The following TNN variants were observed in gnomAD, a reference collection of about 807,000 sequenced individuals.
TNN encodes tenascin N.
TNN carries 122 observed loss-of-function variants against 134.4 expected under a neutral mutation model. That is an observed-to-expected ratio of 0.91 (90% CI 0.78 to 1.06). The LOEUF (loss-of-function observed/expected upper bound fraction) is 1.06. Among genes scored for constraint, TNN ranks in the 50% least tolerant of loss-of-function variants. The probability of loss-of-function intolerance (pLI) is 0.00; values close to 1 mark genes in which losing one functional copy is unlikely to be tolerated. For missense variants in TNN, 1,739 were observed against 1,699.4 expected (o/e 1.02, Z -0.41); for synonymous variants, 710 against 670.3 (o/e 1.06, Z -0.91).
chr1:175,094,663 A>C (rs1018082998), intron 7 of TNN, among the ~76,000 whole-genome samples: 1 of 152,206 alleles, frequency 6.6e-6, no homozygotes, highest in African/African-American at 2.4e-5. Flanking sequence ...AATAGTTTGC[A>C]TCCTAAGTCA....
chr1:175,093,997 C>T lies in TNN; in HGVS notation c.1332C>T (p.Asp444=). ...TCATGTGTTTTTATGAAGAAATTGA[C>T]AGTCCAACCAATGTTGTCACTGATC... ...PILLNGRTEI[D]SPTNVVTDRV... Residue 444 remains aspartate (D), a synonymous_variant, in exon 7 of 19, where the codon GAC becomes GAT. Coordinates refer to ENST00000239462, the MANE Select transcript of TNN (RefSeq NM_022093.2). The T allele has an allele frequency of 6.3e-7, 1 of 1,588,264 alleles. No individual in the cohort carries two copies. Among genetic ancestry groups the T allele is most frequent in the Non-Finnish European group, 8.6e-7 (1 of 1,161,066 alleles).
Position 175,098,338 on chromosome 1 carries a change from A to G in TNN, c.1862A>G (p.Asp621Gly), listed in dbSNP as rs771337724. The G allele has an allele frequency of 1.1e-5, 17 of 1,614,022 alleles. No individual in the cohort carries two copies. Among genetic ancestry groups the G allele is most frequent in the Middle Eastern group, 1.6e-4 (1 of 6,084 alleles). The change falls in exon 9 of 19, where the codon GAC becomes GGC. Residue 621 changes from aspartate to glycine, a missense_variant. By Grantham distance (94) the Asp-to-Gly change is moderately conservative. Transcript: ENST00000239462. ...CCAAACATTTTCCTTCCAGATATTG[A>G]CAGCCCCAAAAACCTGGTGACTGAC... is the stretch of plus-strand genomic sequence containing the variant. Reference protein sequence around the residue: ...KADTNAPTDIDSPKNLVTDRV... With the variant: ...KADTNAPTDIGSPKNLVTDRV...
At chr1:175,135,659 C>T (rs1448083019) in intron 15 of TNN, among the ~76,000 whole-genome samples, 186 bp from the exon 16 acceptor site, 3 of 152,200 alleles carry the variant, frequency 2.0e-5, no homozygotes, top group East Asian at 3.8e-4. Flanking sequence ...TGGCATACTA[C>T]GGTACATATA....
intron 13 of TNN, 64 bp downstream of exon 13, chr1:175,127,149 C>A: frequency 1.9e-6 from 3 of 1,567,500 alleles, no homozygotes; most frequent in Non-Finnish European, 2.6e-6. Flanking sequence ...CTAACTTGGG[C>A]CAATCAGCTC....
At chr1:175,073,878 C>T (rs1410517786) in intron 1 of TNN, among the ~76,000 whole-genome samples, 1 of 152,162 alleles carries the variant, frequency 6.6e-6, no homozygotes, top group Non-Finnish European at 1.5e-5. Flanking sequence ...GCTGCAGTCG[C>T]CCCCTTGGGG....
intron 9 of TNN, among the ~76,000 whole-genome samples, chr1:175,106,545 G>T (rs1395758207): frequency 6.8e-6 from 1 of 146,122 alleles, no homozygotes; most frequent in Non-Finnish European, 1.5e-5. Context: ...GGAGAAACTA[G>T]AAAAGCACCA....
intron 12 of TNN, among the ~76,000 whole-genome samples, chr1:175,125,730 TTTCTTTCTTTC>T: frequency 7.6e-6 from 1 of 131,900 alleles, no homozygotes; most frequent in Admixed American, 7.5e-5. Context: ...TCTTTCTTTC[TTTCTTTCTTTC>T]TTTCTTTCTT....
rs550010752 is a variant in TNN at position 175,108,750 on chromosome 1, G to C, written c.2120-8189G>C. 8.6e-4 allele frequency among the ~76,000 whole-genome samples: 130 copies of C among 151,822 alleles called. 1 individual carries two copies. The highest frequency in any genetic ancestry group is 3.1e-3 in the African/African-American group (126 of 41,268). On this transcript the variant is annotated intron_variant, in intron 9 of 18. Coordinates refer to ENST00000239462, the MANE Select transcript of TNN (RefSeq NM_022093.2). ...GCCAGCAGGGCTGGCCGGCTGCTCT[G>C]AGTGCGGGGCCCTCCAAGCCCATGC...
intron 15 of TNN, among the ~76,000 whole-genome samples, chr1:175,131,182 G>A (rs867981454): frequency 3.3e-5 from 5 of 152,204 alleles, no homozygotes; most frequent in African/African-American, 9.6e-5. Context: ...TAGGCCAGAA[G>A]AACTGTGCCC....
At chr1:175,091,229 C>T (rs1199686111) in intron 6 of TNN, among the ~76,000 whole-genome samples, 4 of 152,214 alleles carry the variant, frequency 2.6e-5, no homozygotes, top group Non-Finnish European at 4.4e-5. Context: ...AGAGCCCCTT[C>T]TGAGTTGAGT....
chr1:175,111,850 G>A lies in TNN; in HGVS notation c.2120-5089G>A, dbSNP rs565847627. On this transcript the variant is annotated intron_variant, in intron 9 of 18. Transcript: ENST00000239462. Reference sequence around the variant, plus strand: ...GATTTTTATATGCTAATTTTGTATCGTGAAACTTTATTGAATTTATCAGCT... The same window carrying A: ...GATTTTTATATGCTAATTTTGTATCATGAAACTTTATTGAATTTATCAGCT... 3.6e-4 allele frequency among the ~76,000 whole-genome samples: 55 copies of A among 151,306 alleles called. 1 individual carries two copies. The South Asian group carries it at 7.5e-3, about 21-fold the overall frequency.
At position 175,135,975 on chromosome 1, in the gene TNN, G is replaced by A. The variant is rs570652385; in HGVS notation, c.3427+34G>A. The A allele has an allele frequency of 4.7e-6, 7 of 1,499,930 alleles. No homozygotes were observed. In the Admixed American group the frequency reaches 8.4e-5, roughly 18 times the overall value. The allele number at this position is 1,499,930 out of a possible 1,614,324, so 92.9% of individuals were successfully genotyped here. A position where few individuals can be genotyped will look rare whatever the true frequency, so the allele number is the denominator to read the frequency against. On this transcript the variant is annotated intron_variant, in intron 16 of 18. Coordinates refer to ENST00000239462, the MANE Select transcript of TNN (RefSeq NM_022093.2). ...TCAGAATCCAGGAGGCTGGGGCTGT[G>A]GGGGGTGATTTCTCCCAGGACAAGC...
rs550493029 is a variant in TNN, at chr1:175,145,715, G to C, written c.3759+1165G>C. Among the ~76,000 whole-genome samples the C allele has an allele frequency of 3.9e-5, 6 of 152,026 alleles. 1 individual carries two copies. In the South Asian group the frequency reaches 1.3e-3, roughly 32 times the overall value. ...TCCACATTGGGAGTGTGCGCCCAGG[G>C]CCCAGGGGTCCAGGAGGGCTCCTCT... On this transcript the variant is annotated intron_variant, in intron 18 of 18. Transcript: ENST00000239462.
chr1:175,147,233 T>G lies in TNN; in HGVS notation c.*162T>G. 1.5e-6 allele frequency: 1 copy of G among 646,242 alleles called. No homozygotes were observed. The highest frequency in any genetic ancestry group is 2.3e-6 in the Non-Finnish European group (1 of 427,280). The allele number at this position is 646,242 out of a possible 1,614,324, so 40.0% of individuals were successfully genotyped here. ...AGGTTCCTTCCCTCTCACCTGCATT[T>G]TTGCCCGTCTTTATGAGGGTCTTGA... On this transcript the variant is annotated 3_prime_UTR_variant, in exon 19 of 19. Transcript: ENST00000239462.
In TNN at chr1:175,123,555, A is replaced by G. The variant is rs1265600704; in HGVS notation, c.2806A>G (p.Ser936Gly). 1 of 1,613,952 alleles carries G rather than the reference A, an allele frequency of 6.2e-7. No homozygotes were observed. Among genetic ancestry groups the G allele is most frequent in the East Asian group, 2.2e-5 (1 of 44,874 alleles). The change falls in exon 12 of 19, where the codon AGC becomes GGC. Residue 936 changes from serine to glycine, a missense_variant. Coordinates refer to ENST00000239462, the MANE Select transcript of TNN (RefSeq NM_022093.2). The part of the protein sequence containing the change: ...TREVPVGKEH[S>G]STVLTGLRPG... ...GGAGGTTCCGGTGGGGAAGGAGCAC[A>G]GCAGCACTGTCCTGACGGGCCTGAG...
At position 175,136,293 on chromosome 1, in the gene TNN, G is replaced by A. The variant is rs540857725; in HGVS notation, c.3427+352G>A. ...TCTAGCAGTCTCTAAAATTCTGTTC[G>A]TGATGCCAGGCATTATGAGCAATTT... On this transcript the variant is annotated intron_variant, in intron 16 of 18. Coordinates refer to ENST00000239462, the MANE Select transcript of TNN (RefSeq NM_022093.2). Among the ~76,000 whole-genome samples the A allele has an allele frequency of 2.8e-4, 42 of 152,252 alleles. 1 individual carries two copies. The highest frequency in any genetic ancestry group is 9.6e-4 in the African/African-American group (40 of 41,546).
intron 6 of TNN, among the ~76,000 whole-genome samples, chr1:175,090,067 A>G (rs185642084): frequency 2.4e-4 from 37 of 152,262 alleles, no homozygotes; most frequent in African/African-American, 8.4e-4. Flanking sequence ...ATATTGTGAG[A>G]CTTTGTAAAT....
intron 6 of TNN, among the ~76,000 whole-genome samples, chr1:175,091,195 G>T (rs1674437214): frequency 6.6e-6 from 1 of 152,224 alleles, no homozygotes; most frequent in African/African-American, 2.4e-5. Flanking sequence ...TCGGGGGAAT[G>T]GTCAAGGAGA....
intron 6 of TNN, among the ~76,000 whole-genome samples, chr1:175,091,299 A>G (rs1235136192): frequency 6.6e-6 from 1 of 152,212 alleles, no homozygotes; most frequent in Non-Finnish European, 1.5e-5. Context: ...TGTGACTGGC[A>G]CTGTGAGCTT....
Sources: gnomAD v4.1 joint callset for allele counts (sites outside exome capture counted in the v4.1 genomes callset) on GRCh38, gnomAD v4.1.1 for gene constraint, MANE v1.5 for transcripts, NCBI Gene and HGNC (gene_info 2026-07-23, HGNC 2026-07-21) for gene names.